DNER: variants seen among roughly 807,000 people sequenced by gnomAD.
DNER encodes the protein delta and Notch-like epidermal growth factor-related receptor.
In DNER, 33 loss-of-function variants were observed where a neutral mutation model predicts 78.2. The ratio of observed to expected loss-of-function variants is 0.42; its 90% confidence interval spans 0.32 to 0.56. The LOEUF is 0.56. Ranked by LOEUF, DNER falls within the 20% of genes least tolerant of loss-of-function variation. The probability of loss-of-function intolerance (pLI) is 0.11; values close to 1 mark genes in which losing one functional copy is unlikely to be tolerated. For synonymous variants in DNER, 417 were observed against 384.8 expected (o/e 1.08, Z -0.98); for missense variants, 918 against 975.3 (o/e 0.94, Z 0.78).
chr2:229,615,007 G>T (rs1698125433), intron 1 of DNER, among the ~76,000 whole-genome samples: 1 of 152,260 alleles, frequency 6.6e-6, no homozygotes, highest in South Asian at 2.1e-4. Flanking sequence ...TTCATTCTTA[G>T]AAGGGTAAAT....
intron 6 of DNER, among the ~76,000 whole-genome samples, chr2:229,493,285 T>C (rs951923014): frequency 3.9e-5 from 6 of 152,224 alleles, no homozygotes; most frequent in Admixed American, 6.5e-5. Flanking sequence ...ATAATGCTAA[T>C]AATATTTTGG....
intron 1 of DNER, among the ~76,000 whole-genome samples, chr2:229,697,286 T>C (rs896055291): frequency 1.3e-5 from 2 of 152,186 alleles, no homozygotes; most frequent in Non-Finnish European, 2.9e-5. Context: ...CTATGAAATA[T>C]CGAGAATAAG....
chr2:229,616,168 A>T (rs554009709), intron 1 of DNER, among the ~76,000 whole-genome samples: 1 of 152,330 alleles, frequency 6.6e-6, no homozygotes, highest in African/African-American at 2.4e-5. Flanking sequence ...GACCATGCTC[A>T]TGAAGTTTCT....
intron 1 of DNER, among the ~76,000 whole-genome samples, chr2:229,633,682 A>C (rs556705211): frequency 2.0e-5 from 3 of 152,244 alleles, no homozygotes; most frequent in African/African-American, 7.2e-5. Context: ...CTGGGTGAGC[A>C]TGCCTGTCCA....
intron 6 of DNER, among the ~76,000 whole-genome samples, chr2:229,493,677 A>T (rs1344655712): frequency 2.0e-5 from 3 of 152,170 alleles, no homozygotes; most frequent in Admixed American, 2.0e-4. Context: ...TCATTCATTC[A>T]GGAAGTCCTT....
chr2:229,661,091 G>T (rs1383606476), intron 1 of DNER, among the ~76,000 whole-genome samples: 2 of 152,052 alleles, frequency 1.3e-5, no homozygotes, highest in Non-Finnish European at 2.9e-5. Context: ...CTCAGGAAAG[G>T]GTTTTATCCT....
At chr2:229,709,248 A>G (rs1699876412) in intron 1 of DNER, among the ~76,000 whole-genome samples, 1 of 152,196 alleles carries the variant, frequency 6.6e-6, no homozygotes, top group Non-Finnish European at 1.5e-5. Flanking sequence ...TACACTTTTA[A>G]AAAGAACTTT....
chr2:229,497,998 C>CAATAT (rs2154211874), intron 6 of DNER, among the ~76,000 whole-genome samples: 1 of 151,490 alleles, frequency 6.6e-6, no homozygotes, highest in South Asian at 2.1e-4. Flanking sequence ...AACTACAGGT[C>CAATAT]CCTGATGAAC....
At chr2:229,703,885 A>G (rs565823425) in intron 1 of DNER, among the ~76,000 whole-genome samples, 1 of 148,736 alleles carries the variant, frequency 6.7e-6, no homozygotes, top group African/African-American at 2.5e-5. Flanking sequence ...ACCCTGTCTC[A>G]AAAAAAATGA....
At chr2:229,560,564 C>G (rs1418107021) in intron 4 of DNER, among the ~76,000 whole-genome samples, 1 of 152,108 alleles carries the variant, frequency 6.6e-6, no homozygotes, top group East Asian at 1.9e-4. Context: ...AGGGGTGAAA[C>G]AGCACACCTG....
chr2:229,640,663 C>A (rs1698602605), intron 1 of DNER, among the ~76,000 whole-genome samples: 1 of 152,176 alleles, frequency 6.6e-6, no homozygotes, highest in African/African-American at 2.4e-5. Context: ...TTTCTCAGAA[C>A]AATGTGTGCA....
chr2:229,513,455 G>A (rs991254430), intron 5 of DNER, among the ~76,000 whole-genome samples: 2 of 152,176 alleles, frequency 1.3e-5, no homozygotes, highest in Non-Finnish European at 2.9e-5. Flanking sequence ...CTGAGTGCAA[G>A]GGAAAATAAA....
Position 229,577,863 on chromosome 2 carries a change from A to G in DNER, c.847+7995T>C, listed in dbSNP as rs554639133. 8.5e-5 allele frequency among the ~76,000 whole-genome samples: 13 copies of G among 152,384 alleles called. No individual in the cohort carries two copies. The South Asian group carries it at 2.7e-3, about 32-fold the overall frequency. ...CTGGGAAACAAAGATCCTTAAAAAT[A>G]TATAATCAATAAAGATATTACCAAG... On this transcript the variant is annotated intron_variant, in intron 4 of 12. Transcript: ENST00000341772.
chr2:229,474,255 C>T (rs1461455448), intron 7 of DNER, among the ~76,000 whole-genome samples: 1 of 152,092 alleles, frequency 6.6e-6, no homozygotes, highest in Admixed American at 6.5e-5. Flanking sequence ...TGAGTTACTG[C>T]CGACACACAA....
At chr2:229,444,041 A>G (rs969709327) in intron 8 of DNER, among the ~76,000 whole-genome samples, 3 of 152,214 alleles carry the variant, frequency 2.0e-5, no homozygotes, top group African/African-American at 7.2e-5. Flanking sequence ...AAATGAAGGG[A>G]TCATGTTCAT....
chr2:229,561,709 T>G (rs1461134442), intron 4 of DNER, among the ~76,000 whole-genome samples: 2 of 152,218 alleles, frequency 1.3e-5, no homozygotes, highest in Non-Finnish European at 2.9e-5. Context: ...TCTCCATTAA[T>G]ATTAGACTAA....
At chr2:229,431,770 A>G (rs1342069266) in intron 8 of DNER, among the ~76,000 whole-genome samples, 4 of 151,798 alleles carry the variant, frequency 2.6e-5, no homozygotes. Context: ...ATGTACCCTA[A>G]AACTTAAAGT....
intron 5 of DNER, among the ~76,000 whole-genome samples, chr2:229,527,669 A>C (rs980807796): frequency 6.6e-6 from 1 of 152,198 alleles, no homozygotes; most frequent in Admixed American, 6.5e-5. Flanking sequence ...TCAATGTTTG[A>C]GTTACTTCTA....
At chr2:229,576,804 G>A (rs572966740) in intron 4 of DNER, among the ~76,000 whole-genome samples, 28 of 151,416 alleles carry the variant, frequency 1.8e-4, no homozygotes, top group Non-Finnish European at 3.5e-4. Flanking sequence ...CCAGCTACAC[G>A]GAGAAGAACC....
Sources: gnomAD v4.1 joint callset for allele counts (sites outside exome capture counted in the v4.1 genomes callset) on GRCh38, gnomAD v4.1.1 for gene constraint, MANE v1.5 for transcripts, NCBI Gene and HGNC (gene_info 2026-07-23, HGNC 2026-07-21) for gene names.